Variants in SNX18 observed in about 807,000 individuals in gnomAD.
The protein encoded by SNX18 is sorting nexin-18.
SNX18 carries 35 observed loss-of-function variants against 48.7 expected under a neutral mutation model. That is an observed-to-expected ratio of 0.72 (90% CI 0.55 to 0.95). SNX18 has a LOEUF of 0.95. Ranked by LOEUF, SNX18 falls within the 40% of genes least tolerant of loss-of-function variation. The pLI is 0.00. For missense variants in SNX18, 824 were observed against 871.0 expected, an observed-to-expected ratio of 0.95 and a Z score of 0.68; for synonymous variants, 492 against 384.7, an observed-to-expected ratio of 1.28 and a Z score of -3.26.
the SNX18 span, among the ~76,000 whole-genome samples, chr5:54,642,370 T>G: frequency 6.6e-6 from 1 of 151,994 alleles, no homozygotes. Context: ...AAAATGGAAT[T>G]AGTTATGTTG....
At position 54,518,318 on chromosome 5, in the gene SNX18, C is replaced by G. The variant is rs1440085782; in HGVS notation, c.366C>G (p.Pro122=). 1.9e-5 allele frequency: 30 copies of G among 1,538,874 alleles called. No homozygotes were observed. Among genetic ancestry groups the G allele is most frequent in the Non-Finnish European group, 2.6e-5 (30 of 1,145,746 alleles). Reference sequence around the variant, plus strand: ...CGCCTCCGAGCACCTTCCAGCCGCCCGGCGCGGGCTTCCCGTACGGCGGGG... The same window carrying G: ...CGCCTCCGAGCACCTTCCAGCCGCCGGGCGCGGGCTTCCCGTACGGCGGGG... The part of the protein sequence containing the change: ...QAPPPSTFQP[P]GAGFPYGGGA... The change falls in exon 1 of 2, where the codon CCC becomes CCG. Residue 122 remains proline (P), a synonymous_variant. Coordinates refer to ENST00000381410, the MANE Select transcript of SNX18 (RefSeq NM_001102575.2).
chr5:54,530,443 G>T (rs548393949), intron 1 of SNX18, among the ~76,000 whole-genome samples: 1 of 152,254 alleles, frequency 6.6e-6, no homozygotes, highest in African/African-American at 2.4e-5. Flanking sequence ...TGCATTATTT[G>T]CCTTAAGTTG....
At chr5:54,607,595 T>C in the SNX18 span, among the ~76,000 whole-genome samples, 1 of 152,192 alleles carries the variant, frequency 6.6e-6, no homozygotes, top group Non-Finnish European at 1.5e-5. Flanking sequence ...CATTCACCTG[T>C]TGAAGGACAT....
At chr5:54,558,984 CA>C in the SNX18 span, among the ~76,000 whole-genome samples, 303 of 141,796 alleles carry the variant, frequency 2.1e-3, no homozygotes, top group East Asian at 5.3e-3. Flanking sequence ...CAATTGCTAC[CA>C]AAAAAAAAAA....
the SNX18 span, among the ~76,000 whole-genome samples, chr5:54,595,302 C>T: frequency 6.6e-6 from 1 of 152,206 alleles, no homozygotes. Context: ...GTGGCACAAT[C>T]TCAGCTCACT....
intron 1 of SNX18, among the ~76,000 whole-genome samples, chr5:54,533,655 T>C (rs1038012834): frequency 1.3e-5 from 2 of 152,174 alleles, no homozygotes; most frequent in African/African-American, 4.8e-5. Flanking sequence ...ATGGTGGCAA[T>C]GATTACTTTT....
chr5:54,575,330 G>C, the SNX18 span, among the ~76,000 whole-genome samples: 4 of 150,004 alleles, frequency 2.7e-5, no homozygotes, highest in Admixed American at 2.0e-4. Context: ...ATTTTGAGCT[G>C]AAGGCAGTTG....
the SNX18 span, among the ~76,000 whole-genome samples, chr5:54,596,517 C>T: frequency 6.6e-6 from 1 of 152,182 alleles, no homozygotes; most frequent in Admixed American, 6.6e-5. Flanking sequence ...TTCTCCAATA[C>T]ATCAACTAGA....
chr5:54,606,240 T>C, the SNX18 span, among the ~76,000 whole-genome samples: 2 of 152,202 alleles, frequency 1.3e-5, no homozygotes, highest in Non-Finnish European at 2.9e-5. Flanking sequence ...ATTAAAAAAG[T>C]TTGTGAATGA....
At chr5:54,541,320 G>A (rs570656315) in intron 1 of SNX18, among the ~76,000 whole-genome samples, 57 of 152,314 alleles carry the variant, frequency 3.7e-4, no homozygotes, top group African/African-American at 1.3e-3. Context: ...GAGCCACCGC[G>A]CCCGGCCCTC....
chr5:54,634,041 G>A, the SNX18 span, among the ~76,000 whole-genome samples: 1 of 152,198 alleles, frequency 6.6e-6, no homozygotes, highest in Non-Finnish European at 1.5e-5. Context: ...ACAGCCCTGA[G>A]CAAAATGTGC....
chr5:54,577,863 G>A, the SNX18 span, among the ~76,000 whole-genome samples: 4 of 152,316 alleles, frequency 2.6e-5, no homozygotes, highest in East Asian at 1.9e-4. Context: ...ACCACATGGT[G>A]GTGGTGGGAA....
the SNX18 span, among the ~76,000 whole-genome samples, chr5:54,570,453 G>C: frequency 2.0e-5 from 3 of 152,174 alleles, no homozygotes; most frequent in Non-Finnish European, 4.4e-5. Context: ...TATTTGCCTA[G>C]GTCTGCACCA....
chr5:54,608,822 A>G, the SNX18 span, among the ~76,000 whole-genome samples: 1 of 152,176 alleles, frequency 6.6e-6, no homozygotes. Context: ...TGGGAAATTC[A>G]CACTCAGCCC....
chr5:54,623,064 C>T, the SNX18 span, among the ~76,000 whole-genome samples: 9 of 152,136 alleles, frequency 5.9e-5, no homozygotes, highest in African/African-American at 2.2e-4. Flanking sequence ...CATTTTGGAT[C>T]CCCTTTCAAA....
At position 54,518,504 on chromosome 5, in the gene SNX18, G is replaced by T; in HGVS notation, c.552G>T (p.Ser184=). ...ACCCGGACCTCGACGGCTCGTCTTCGGCGGGTGTGGGCGCAGCCGGCCGCT... is the reference window on the plus strand; with the variant it reads ...ACCCGGACCTCGACGGCTCGTCTTCTGCGGGTGTGGGCGCAGCCGGCCGCT... ...GAYPDLDGSS[S]AGVGAAGRYR... The change falls in exon 1 of 2, where the codon TCG becomes TCT. Residue 184 remains serine (S), a synonymous_variant. Transcript: ENST00000381410. The T allele has an allele frequency of 1.3e-6, 2 of 1,551,266 alleles. No individual in the cohort carries two copies. The highest frequency in any genetic ancestry group is 1.7e-6 in the Non-Finnish European group (2 of 1,148,086).
chr5:54,584,919 G>A, the SNX18 span, among the ~76,000 whole-genome samples: 3 of 152,152 alleles, frequency 2.0e-5, no homozygotes, highest in Non-Finnish European at 2.9e-5. Context: ...ATGCTGGTTG[G>A]CCAACACACG....
downstream of SNX18, among the ~76,000 whole-genome samples, chr5:54,547,917 A>G (rs934543056): frequency 2.0e-5 from 3 of 152,318 alleles, no homozygotes; most frequent in South Asian, 2.1e-4. Flanking sequence ...GAATTTGCTG[A>G]GTAATAAGCT....
chr5:54,552,645 CG>C, the SNX18 span, among the ~76,000 whole-genome samples: 1 of 151,974 alleles, frequency 6.6e-6, no homozygotes, highest in African/African-American at 2.4e-5. Flanking sequence ...ACATCCTGGA[CG>C]CTGGGACCGA....
Sources: gnomAD v4.1 joint callset for allele counts (sites outside exome capture counted in the v4.1 genomes callset) on GRCh38, gnomAD v4.1.1 for gene constraint, MANE v1.5 for transcripts, NCBI Gene and HGNC (gene_info 2026-07-23, HGNC 2026-07-21) for gene names.